RIMS2: variants seen among roughly 807,000 people sequenced by gnomAD.
The protein encoded by RIMS2 is regulating synaptic membrane exocytosis protein 2.
In RIMS2, 59 loss-of-function variants were observed where a neutral mutation model predicts 174.4. The ratio of observed to expected loss-of-function variants is 0.34; its 90% CI spans 0.27 to 0.42. The LOEUF (loss-of-function observed/expected upper bound fraction) is 0.42, where lower values mean the gene tolerates loss of function less well. Ranked by LOEUF, RIMS2 falls within the 10% of genes least tolerant of loss-of-function variation. RIMS2 has a pLI of 1.00. For missense variants in RIMS2, 1,620 were observed against 1,666.3 expected, an observed-to-expected ratio of 0.97 and a Z score of 0.48; for synonymous variants, 606 against 572.5, an observed-to-expected ratio of 1.06 and a Z score of -0.84.
At chr8:103,738,136 A>G (rs1283425207) in intron 2 of RIMS2, among the ~76,000 whole-genome samples, 3 of 152,184 alleles carry the variant, frequency 2.0e-5, no homozygotes, top group Non-Finnish European at 2.9e-5. Flanking sequence ...TGAATGAAAT[A>G]GATATTTCCT....
chr8:104,125,366 A>G (rs572137295), intron 19 of RIMS2, among the ~76,000 whole-genome samples: 40 of 152,140 alleles, frequency 2.6e-4, no homozygotes, highest in Non-Finnish European at 4.3e-4. Context: ...CTCAAGTTTT[A>G]TGATTTCTCA....
chr8:103,779,050 G>A (rs2098353606), intron 3 of RIMS2, among the ~76,000 whole-genome samples: 1 of 152,118 alleles, frequency 6.6e-6, no homozygotes, highest in Non-Finnish European at 1.5e-5. Context: ...GTTTTCCTCT[G>A]AGAAATGTCT....
At chr8:104,235,050 A>T (rs2099251397) in intron 19 of RIMS2, among the ~76,000 whole-genome samples, 1 of 152,154 alleles carries the variant, frequency 6.6e-6, no homozygotes, top group Non-Finnish European at 1.5e-5. Flanking sequence ...TTTATCATAA[A>T]TACGTTACCA....
chr8:103,970,106 TA>T (rs1009491154), intron 15 of RIMS2, among the ~76,000 whole-genome samples: 1 of 152,140 alleles, frequency 6.6e-6, no homozygotes, highest in African/African-American at 2.4e-5. Flanking sequence ...ATGTGCTGGT[TA>T]AAAGAAATTG....
intron 15 of RIMS2, among the ~76,000 whole-genome samples, chr8:103,973,098 T>C (rs1416459838): frequency 2.0e-5 from 3 of 152,236 alleles, no homozygotes; most frequent in African/African-American, 4.8e-5. Context: ...GCAATCTCTC[T>C]ATCCTTCAAT....
In RIMS2 at chr8:103,892,566, C is replaced by T. The variant is rs184901498; in HGVS notation, c.1624+6343C>T. ...TTTTAAAAGTCAAAGATTGATTATT[C>T]TCTTATGTATTCACTCCACCTATCG... On this transcript the variant is annotated intron_variant, in intron 4 of 23. Coordinates refer to ENST00000504942, the Ensembl canonical transcript of RIMS2. Among the ~76,000 whole-genome samples, 18 of 152,120 alleles carry T rather than the reference C, an allele frequency of 1.2e-4. 1 individual carries two copies. In the East Asian group the frequency reaches 2.9e-3, roughly 25 times the overall value.
chr8:104,076,854 T>C (rs1025543557), intron 19 of RIMS2, among the ~76,000 whole-genome samples: 2 of 151,810 alleles, frequency 1.3e-5, no homozygotes, highest in Non-Finnish European at 2.9e-5. Flanking sequence ...TCTCGCTCTG[T>C]TGCTCAGGCT....
At chr8:103,885,874 A>G in exon 4 of RIMS2, 1 of 1,612,988 alleles carries the variant, frequency 6.2e-7, no homozygotes, top group East Asian at 2.2e-5. Context: ...GTTCTTATGC[A>G]CAAAGGACCA....
chr8:103,819,166 T>C (rs896666112), intron 3 of RIMS2: 1 of 1,059,986 alleles, frequency 9.4e-7, no homozygotes, highest in African/African-American at 1.7e-5. Context: ...TCATTGCATG[T>C]TTTTAATAGG....
intron 19 of RIMS2, among the ~76,000 whole-genome samples, chr8:104,016,480 A>G (rs2095909719): frequency 6.6e-6 from 1 of 152,016 alleles, no homozygotes; most frequent in African/African-American, 2.4e-5. Context: ...ATTTCCAAGT[A>G]CCATAATTTT....
intron 19 of RIMS2, among the ~76,000 whole-genome samples, chr8:104,206,415 G>A (rs774242724): frequency 1.1e-4 from 17 of 152,092 alleles, no homozygotes; most frequent in Non-Finnish European, 2.4e-4. Context: ...TACATTCTTT[G>A]CATTTTTGTA....
chr8:103,690,283 A>G (rs1360034451), intron 1 of RIMS2, among the ~76,000 whole-genome samples: 1 of 152,000 alleles, frequency 6.6e-6, no homozygotes, highest in East Asian at 1.9e-4. Flanking sequence ...TTTTGATTGG[A>G]GAGTTTAGTT....
intron 2 of RIMS2, among the ~76,000 whole-genome samples, chr8:103,717,627 T>C (rs2097388912): frequency 6.6e-6 from 1 of 152,212 alleles, no homozygotes; most frequent in Non-Finnish European, 1.5e-5. Context: ...AGGCACTTGA[T>C]GATAAAACTC....
intron 1 of RIMS2, among the ~76,000 whole-genome samples, chr8:103,573,008 T>A (rs1223006448): frequency 6.6e-6 from 1 of 152,146 alleles, no homozygotes; most frequent in Non-Finnish European, 1.5e-5. Context: ...TTTCCTAGGT[T>A]TTCTTCTAGG....
intron 3 of RIMS2, among the ~76,000 whole-genome samples, chr8:103,848,626 C>T (rs1478759958): frequency 6.6e-6 from 1 of 151,990 alleles, no homozygotes; most frequent in Non-Finnish European, 1.5e-5. Context: ...AATGGTTTTC[C>T]ACTTTGACAG....
intron 3 of RIMS2, among the ~76,000 whole-genome samples, chr8:103,840,615 T>C (rs2098933706): frequency 6.6e-6 from 1 of 152,130 alleles, no homozygotes; most frequent in Non-Finnish European, 1.5e-5. Context: ...TTCTCGTGGA[T>C]ACATTCCGTT....
At chr8:103,749,355 G>A (rs1249882181) in intron 2 of RIMS2, among the ~76,000 whole-genome samples, 4 of 151,816 alleles carry the variant, frequency 2.6e-5, no homozygotes, top group African/African-American at 4.8e-5. Flanking sequence ...CTCGTGATCC[G>A]CCCGCCTTGG....
intron 3 of RIMS2, among the ~76,000 whole-genome samples, chr8:103,772,527 A>C (rs1363379773): frequency 6.6e-6 from 1 of 152,160 alleles, no homozygotes; most frequent in Admixed American, 6.5e-5. Flanking sequence ...AGTCTGAATA[A>C]ATAGAAAGAT....
intron 3 of RIMS2, among the ~76,000 whole-genome samples, chr8:103,875,792 T>A (rs1416254188): frequency 2.6e-5 from 4 of 152,046 alleles, no homozygotes; most frequent in Non-Finnish European, 5.9e-5. Context: ...GACTGTTTAA[T>A]AATGGCCATT....
Sources: gnomAD v4.1 joint callset for allele counts (sites outside exome capture counted in the v4.1 genomes callset) on GRCh38, gnomAD v4.1.1 for gene constraint, MANE v1.5 for transcripts, NCBI Gene and HGNC (gene_info 2026-07-23, HGNC 2026-07-21) for gene names.